The following LOXHD1 variants were observed in gnomAD, a reference collection of about 807,000 sequenced individuals.
LOXHD1 encodes lipoxygenase homology domain-containing protein 1.
LOXHD1 carries 205 observed loss-of-function variants against 248.2 expected under a neutral mutation model. The ratio of observed to expected loss-of-function variants is 0.83; its 90% CI spans 0.74 to 0.93. The LOEUF (loss-of-function observed/expected upper bound fraction) is 0.93, where lower values mean the gene tolerates loss of function less well. LOXHD1 is among the 40% of genes least tolerant of loss of function. The probability of loss-of-function intolerance (pLI) is 0.00; values close to 1 mark genes in which losing one functional copy is unlikely to be tolerated. For synonymous variants in LOXHD1, 1,113 were observed against 1,162.8 expected (o/e 0.96, Z 0.87); for missense variants, 2,930 against 2,971.6 (o/e 0.99, Z 0.33).
At chr18:46,500,408 T>C (rs1309047680) in intron 37 of LOXHD1, among the ~76,000 whole-genome samples, 1 of 152,214 alleles carries the variant, frequency 6.6e-6, no homozygotes, top group Admixed American at 6.5e-5. Flanking sequence ...CCATTCTTGT[T>C]CAGGTCTTCT....
At chr18:46,655,815 C>G (rs1000486792) in intron 1 of LOXHD1, among the ~76,000 whole-genome samples, 2 of 152,300 alleles carry the variant, frequency 1.3e-5, no homozygotes, top group Middle Eastern at 3.4e-3. Context: ...GGCTGCAAGC[C>G]GGACACAGCT....
chr18:46,577,082 A>G (rs543596786), intron 14 of LOXHD1, among the ~76,000 whole-genome samples: 1 of 152,210 alleles, frequency 6.6e-6, no homozygotes, highest in South Asian at 2.1e-4. Flanking sequence ...CAAGGCCCCA[A>G]GTCAATCATA....
intron 5 of LOXHD1, among the ~76,000 whole-genome samples, chr18:46,616,484 G>A (rs570798225): frequency 2.0e-5 from 3 of 152,220 alleles, no homozygotes; most frequent in Non-Finnish European, 2.9e-5. Context: ...TTCTTCATGC[G>A]CTGATGTTAG....
At chr18:46,565,083 G>A (rs1393459379) in intron 17 of LOXHD1, among the ~76,000 whole-genome samples, 1 of 152,116 alleles carries the variant, frequency 6.6e-6, no homozygotes, top group Non-Finnish European at 1.5e-5. Flanking sequence ...GGCCAACATG[G>A]TGAAACCCCA....
chr18:46,625,465 A>C (rs772499029), intron 4 of LOXHD1, among the ~76,000 whole-genome samples: 31 of 152,116 alleles, frequency 2.0e-4, no homozygotes, highest in South Asian at 8.3e-4. Flanking sequence ...CACACATAAA[A>C]TACATTAACA....
chr18:46,570,438 A>G (rs1169707951), intron 15 of LOXHD1, among the ~76,000 whole-genome samples: 1 of 152,210 alleles, frequency 6.6e-6, no homozygotes, highest in East Asian at 1.9e-4. Context: ...GGGTCCTCCC[A>G]CTAGGCAGAA....
rs1202602422 is a variant in LOXHD1, at chr18:46,577,898, A to G, written c.1810-31T>C. 4 of 1,550,968 alleles carry G rather than the reference A, an allele frequency of 2.6e-6. No individual in the cohort carries two copies. In the East Asian group the frequency reaches 7.3e-5, roughly 28 times the overall value. ...GGGGGGAAACCACAAGGCCAGTTAGACAGTGGCTACCCCAGGACCCAAACA... is the reference window on the plus strand; with the variant it reads ...GGGGGGAAACCACAAGGCCAGTTAGGCAGTGGCTACCCCAGGACCCAAACA... On this transcript the variant is annotated intron_variant, in intron 13 of 40. Transcript: ENST00000642948.
At chr18:46,637,003 G>A (rs781341054) in intron 4 of LOXHD1, among the ~76,000 whole-genome samples, 13 of 152,018 alleles carry the variant, frequency 8.6e-5, no homozygotes, top group African/African-American at 1.7e-4. Context: ...AAAATTAGCC[G>A]GGTGTGGTGG....
Position 46,560,288 on chromosome 18 carries a change from C to T in LOXHD1, c.2856G>A (p.Gly952=), listed in dbSNP as rs1599003598. 1.3e-6 allele frequency: 2 copies of T among 1,549,194 alleles called. No homozygotes were observed. The highest frequency in any genetic ancestry group is 1.7e-4 in the Middle Eastern group (1 of 5,996). Residue 952 remains glycine, a synonymous_variant, in exon 19 of 41, where the codon GGG becomes GGA. Coordinates refer to ENST00000642948, the MANE Select transcript of LOXHD1 (RefSeq NM_001384474.1). ...CTGATGAGGACGACTCCTCTTCCTC[C>T]CCCTCGTCCTCTTCGTCGCTGCCCT... ...KRKGSDEEDE[G]EEEESSSSEE... is the part of the protein sequence containing the mutation.
At chr18:46,540,654 C>CT (rs60099172) in intron 25 of LOXHD1, among the ~76,000 whole-genome samples, 8,506 of 91,068 alleles carry the variant, frequency 0.093, 485 homozygotes, top group Non-Finnish European at 0.11. Context: ...AACTCTTTAT[C>CT]TTTTTTTTTT....
In LOXHD1 at chr18:46,533,232, G is replaced by T. The variant is rs1364328672; in HGVS notation, c.4305C>A (p.Ile1435=). The T allele has an allele frequency of 1.3e-6, 2 of 1,551,644 alleles. No homozygotes were observed. Among genetic ancestry groups the T allele is most frequent in the Admixed American group, 2.0e-5 (1 of 50,988 alleles). Residue 1435 remains isoleucine, a synonymous_variant, in exon 28 of 41, where the codon ATC becomes ATA. Coordinates refer to ENST00000642948, the MANE Select transcript of LOXHD1 (RefSeq NM_001384474.1). ...CATCTTTCATGTATTTCTCAGTGAA[G>T]ATGTCATATGGAACCAGTTCTCGAA... ...KTIRELVPYD[I]FTEKYMKDGS... is the part of the protein sequence containing the mutation.
chr18:46,488,053 A>G (rs2033193781), intron 38 of LOXHD1, among the ~76,000 whole-genome samples: 1 of 152,244 alleles, frequency 6.6e-6, no homozygotes. Flanking sequence ...TGAAGCAAGC[A>G]GTGACTGTTC....
chr18:46,492,138 T>A (rs2033529738), intron 37 of LOXHD1, among the ~76,000 whole-genome samples: 1 of 151,966 alleles, frequency 6.6e-6, no homozygotes, highest in Non-Finnish European at 1.5e-5. Context: ...ATGTCATGTG[T>A]CTGGATTTTG....
chr18:46,629,983 T>C (rs1173377352), intron 4 of LOXHD1, among the ~76,000 whole-genome samples: 1 of 152,110 alleles, frequency 6.6e-6, no homozygotes, highest in Non-Finnish European at 1.5e-5. Context: ...CTTTGAAGCA[T>C]ACAACAAAAC....
intron 40 of LOXHD1, among the ~76,000 whole-genome samples, chr18:46,481,255 A>G (rs1021448455): frequency 3.9e-5 from 6 of 152,220 alleles, no homozygotes; most frequent in East Asian, 1.9e-4. Flanking sequence ...ACATGCCTGC[A>G]AAGTCCCCCT....
intron 14 of LOXHD1, among the ~76,000 whole-genome samples, chr18:46,576,376 C>G (rs1039376251): frequency 6.6e-6 from 1 of 152,096 alleles, no homozygotes; most frequent in African/African-American, 2.4e-5. Context: ...ACACTCCACC[C>G]TCTCCCACCC....
At chr18:46,539,519 G>A (rs2036466767) in intron 25 of LOXHD1, among the ~76,000 whole-genome samples, 1 of 152,062 alleles carries the variant, frequency 6.6e-6, no homozygotes, top group Admixed American at 6.6e-5. Context: ...TGGGTCTAGG[G>A]ATCTGAATAT....
chr18:46,560,567 G>T (rs546034832), intron 18 of LOXHD1, 22 bp from the exon 19 acceptor site: 47 of 1,506,108 alleles, frequency 3.1e-5, no homozygotes, highest in Non-Finnish European at 4.1e-5. Context: ...GCAGGGCAGC[G>T]GCTGTCGTGG....
At position 46,477,591 on chromosome 18, in the gene LOXHD1, C is replaced by T. The variant is rs745530095; in HGVS notation, c.6703G>A (p.Glu2235Lys). The T allele has an allele frequency of 2.8e-5, 43 of 1,551,656 alleles. No individual in the cohort carries two copies. The highest frequency in any genetic ancestry group is 3.7e-5 in the Non-Finnish European group (42 of 1,147,024). The change falls in exon 41 of 41, where the codon GAG (glutamate) becomes AAG (lysine). Residue 2235 changes from glutamate to lysine, a missense_variant. By Grantham distance (56) the Glu-to-Lys change is moderately conservative (BLOSUM62 1). Transcript: ENST00000642948. ...CTGGTGTTGGTGACCTCCACCTTCT[C>T]CACCAGCCAGCCTGAGCAGTAGCCA... ...SSGYCSGWLVEKVEVTNTSTG... is the reference protein window; with the variant it reads ...SSGYCSGWLVKKVEVTNTSTG...
Sources: gnomAD v4.1 joint callset for allele counts (sites outside exome capture counted in the v4.1 genomes callset) on GRCh38, gnomAD v4.1.1 for gene constraint, MANE v1.5 for transcripts, NCBI Gene and HGNC (gene_info 2026-07-23, HGNC 2026-07-21) for gene names.